ADAMTS3: variants seen among roughly 807,000 people sequenced by gnomAD.
ADAMTS3 encodes A disintegrin and metalloproteinase with thrombospondin motifs 3.
ADAMTS3 carries 73 observed loss-of-function variants against 129.0 expected under a neutral mutation model. The observed-to-expected ratio is 0.57, with a 90% CI of 0.47 to 0.69. The LOEUF is 0.69. ADAMTS3 is among the 30% of genes least tolerant of loss of function. The pLI is 0.00. For synonymous variants in ADAMTS3, 477 were observed against 510.8 expected (o/e 0.93, Z 0.89); for missense variants, 1,457 against 1,514.5 (o/e 0.96, Z 0.63).
chr4:72,434,709 TAGTTGAGTTG>T (rs1722777526), intron 3 of ADAMTS3, among the ~76,000 whole-genome samples: 3 of 151,836 alleles, frequency 2.0e-5, no homozygotes, highest in Non-Finnish European at 1.5e-5. Flanking sequence ...GGTCTTAATT[TAGTTGAGTTG>T]AGTTGATTAC....
At chr4:72,445,153 C>A (rs564247205) in intron 3 of ADAMTS3, among the ~76,000 whole-genome samples, 1 of 151,796 alleles carries the variant, frequency 6.6e-6, no homozygotes, top group Admixed American at 6.6e-5. Flanking sequence ...CCCAAATGCA[C>A]TAGAAACCAC....
intron 4 of ADAMTS3, among the ~76,000 whole-genome samples, chr4:72,376,578 T>C (rs563618517): frequency 4.6e-5 from 7 of 152,274 alleles, no homozygotes; most frequent in Admixed American, 2.0e-4. Context: ...TAGTAAACCA[T>C]AGACTGATTG....
intron 3 of ADAMTS3, among the ~76,000 whole-genome samples, chr4:72,435,389 C>T (rs1201168507): frequency 6.6e-6 from 1 of 151,720 alleles, no homozygotes; most frequent in East Asian, 2.0e-4. Context: ...GAAGGACCAA[C>T]TGTATATTGA....
At chr4:72,485,479 C>T (rs1179887321) in intron 3 of ADAMTS3, among the ~76,000 whole-genome samples, 4 of 151,858 alleles carry the variant, frequency 2.6e-5, no homozygotes, top group Non-Finnish European at 5.9e-5. Context: ...ATCTTCCAGG[C>T]TTAATTATGT....
intron 3 of ADAMTS3, among the ~76,000 whole-genome samples, chr4:72,541,413 G>A (rs1216846835): frequency 1.3e-5 from 2 of 152,226 alleles, no homozygotes; most frequent in Non-Finnish European, 2.9e-5. Flanking sequence ...TGTCTCAGAT[G>A]AGACTTTGGA....
intron 3 of ADAMTS3, among the ~76,000 whole-genome samples, chr4:72,527,786 C>T (rs1178504897): frequency 2.6e-5 from 4 of 152,114 alleles, no homozygotes; most frequent in African/African-American, 9.7e-5. Context: ...GTTACAAGGC[C>T]GAGCTCTGGG....
At chr4:72,532,727 A>G (rs566202368) in intron 3 of ADAMTS3, among the ~76,000 whole-genome samples, 21 of 152,316 alleles carry the variant, frequency 1.4e-4, no homozygotes, top group Non-Finnish European at 2.6e-4. Flanking sequence ...TATTGCTCCC[A>G]GGCTGCAAAC....
intron 10 of ADAMTS3, 88 bp from the exon 11 acceptor site, chr4:72,316,059 G>C (rs1321913583): frequency 3.0e-6 from 2 of 667,134 alleles, no homozygotes; most frequent in Admixed American, 3.5e-5. Context: ...CTTCTGTCCT[G>C]TTTCTTGGAT....
chr4:72,324,385 T>C (rs1719641957), intron 5 of ADAMTS3, among the ~76,000 whole-genome samples: 1 of 152,120 alleles, frequency 6.6e-6, no homozygotes, highest in Non-Finnish European at 1.5e-5. Flanking sequence ...GGGTCTTGAA[T>C]GTAGACTGAA....
intron 2 of ADAMTS3, among the ~76,000 whole-genome samples, chr4:72,558,445 TC>T (rs969546814): frequency 1.3e-5 from 2 of 151,714 alleles, no homozygotes; most frequent in African/African-American, 2.4e-5. Context: ...TCTCTCTCTT[TC>T]ACCTCCCTCT....
intron 3 of ADAMTS3, among the ~76,000 whole-genome samples, chr4:72,540,956 C>G (rs1367041241): frequency 1.3e-5 from 2 of 152,240 alleles, no homozygotes; most frequent in Non-Finnish European, 2.9e-5. Context: ...AGCCCCCACA[C>G]AGAGTCCCTA....
chr4:72,524,371 G>A (rs902486003), intron 3 of ADAMTS3, among the ~76,000 whole-genome samples: 1 of 152,020 alleles, frequency 6.6e-6, no homozygotes, highest in Admixed American at 6.6e-5. Context: ...TGTTGGGAAT[G>A]GTCTATAATT....
At chr4:72,431,102 A>G (rs973109101) in intron 3 of ADAMTS3, among the ~76,000 whole-genome samples, 9 of 152,146 alleles carry the variant, frequency 5.9e-5, no homozygotes, top group Non-Finnish European at 1.2e-4. Context: ...AAAGCAAAGA[A>G]AAAGTTCTAA....
intron 3 of ADAMTS3, among the ~76,000 whole-genome samples, chr4:72,484,258 G>C (rs1377319460): frequency 6.6e-6 from 1 of 152,146 alleles, no homozygotes; most frequent in Non-Finnish European, 1.5e-5. Flanking sequence ...CACTATTCTA[G>C]TTTCTTATGT....
chr4:72,457,339 TGTA>T (rs1183007098), intron 3 of ADAMTS3, among the ~76,000 whole-genome samples: 1 of 151,662 alleles, frequency 6.6e-6, no homozygotes, highest in Non-Finnish European at 1.5e-5. Context: ...TTAATTGACT[TGTA>T]GTATAAGGGA....
chr4:72,283,473 G>T lies in ADAMTS3; in HGVS notation c.3281C>A (p.Ser1094Ter). Residue 1094 changes from serine (S) to a stop codon, truncating the protein, a stop_gained, in exon 22 of 22, where the codon TCA (serine) becomes TAA (stop). Transcript: ENST00000286657. LOFTEE classifies it low-confidence loss of function (END_TRUNC). Reference protein sequence around the residue: ...VMPTSLVPYHSETPAKKMSLS... With the variant: ...VMPTSLVPYH ...AGACATCTTCTTTGCAGGGGTCTCT[G>T]AATGATAAGGAACCAAAGATGTAGG... 8 of 1,614,056 alleles carry T rather than the reference G, an allele frequency of 5.0e-6. No homozygotes were observed. Among genetic ancestry groups the T allele is most frequent in the Non-Finnish European group, 6.8e-6 (8 of 1,179,972 alleles).
In ADAMTS3 at chr4:72,548,661, A is replaced by G; in HGVS notation, c.321T>C (p.Val107=). The part of the protein sequence containing the change: ...PNTQLVAPGA[V]VEWHETSLVP... The stretch of plus-strand genomic sequence containing the variant: ...CCAGAGATGTCTCATGCCACTCCAC[A>G]ACAGCCCCAGGAGCTACTAGTTGAG... Residue 107 remains valine, a synonymous_variant, in exon 3 of 22, where the codon GTT becomes GTC. Transcript: ENST00000286657. 6.2e-7 allele frequency: 1 copy of G among 1,614,020 alleles called. No individual in the cohort carries two copies. The highest frequency in any genetic ancestry group is 1.1e-5 in the South Asian group (1 of 91,080).
chr4:72,458,561 G>T (rs183707718), intron 3 of ADAMTS3, among the ~76,000 whole-genome samples: 349 of 151,412 alleles, frequency 2.3e-3, no homozygotes, highest in African/African-American at 7.7e-3. Flanking sequence ...ACTTTCTTAG[G>T]GTCCAGTTTT....
chr4:72,310,291 A>C (rs1560467128), intron 14 of ADAMTS3, among the ~76,000 whole-genome samples: 1 of 152,102 alleles, frequency 6.6e-6, no homozygotes, highest in Non-Finnish European at 1.5e-5. Flanking sequence ...TGCACTCAAA[A>C]GTATGGGATG....
Sources: allele counts gnomAD v4.1 joint callset (sites outside exome capture counted in the v4.1 genomes callset), GRCh38; gene constraint gnomAD v4.1.1; transcripts MANE v1.5; gene names NCBI Gene and HGNC (gene_info 2026-07-23, HGNC 2026-07-21).